Variants in VEPH1 observed in about 807,000 individuals in gnomAD.
VEPH1 encodes the protein ventricular zone expressed PH domain containing 1, also known as ventricular zone-expressed PH domain-containing protein homolog 1.
VEPH1 carries 80 observed loss-of-function variants against 85.2 expected under a neutral mutation model. The observed-to-expected ratio is 0.94, with a 90% CI of 0.78 to 1.13. The LOEUF is 1.13. Among genes scored for constraint, VEPH1 ranks in the 50% most tolerant of loss-of-function variants. The pLI, the probability that VEPH1 is intolerant of heterozygous loss-of-function variation, is 0.00. For missense variants in VEPH1, 955 were observed against 980.5 expected, an observed-to-expected ratio of 0.97 and a Z score of 0.35; for synonymous variants, 297 against 348.0, an observed-to-expected ratio of 0.85 and a Z score of 1.63.
chr3:157,364,284 CA>C lies in VEPH1; in HGVS notation c.1337+18del, dbSNP rs1726381711. ...AACATGAAGTGTATGATTTAAAAAA[CA>C]AACCAAACGAGTTATACCTGTTAAA... On this transcript the variant is annotated intron_variant, in intron 8 of 13. Coordinates refer to ENST00000362010, the MANE Select transcript of VEPH1 (RefSeq NM_001167912.2). 3 of 1,491,864 alleles carry C rather than the reference CA, an allele frequency of 2.0e-6. No individual in the cohort carries two copies. In the South Asian group the frequency reaches 3.5e-5, roughly 18 times the overall value. The allele number at this position is 1,491,864 out of a possible 1,614,324, so 92.4% of individuals were successfully genotyped here. A position where few individuals can be genotyped will look rare whatever the true frequency, so the allele number is the denominator to read the frequency against.
intron 3 of VEPH1, among the ~76,000 whole-genome samples, chr3:157,463,256 G>C (rs78604548): frequency 0.01 from 1,549 of 152,272 alleles, 27 homozygotes; most frequent in African/African-American, 0.034. Context: ...TCCAGACTCA[G>C]GGGTCAATCT....
chr3:157,413,700 G>A, intron 6 of VEPH1, 181 bp downstream of exon 6: 2 of 970,386 alleles, frequency 2.1e-6, no homozygotes, highest in Non-Finnish European at 2.4e-6. Flanking sequence ...GAAATCCCAG[G>A]ACAAATTTGT....
chr3:157,392,582 A>C (rs965490271), intron 6 of VEPH1, among the ~76,000 whole-genome samples: 2 of 152,042 alleles, frequency 1.3e-5, no homozygotes, highest in African/African-American at 4.8e-5. Context: ...CTTGGGCCAC[A>C]CACAAACTAT....
intron 2 of VEPH1, among the ~76,000 whole-genome samples, chr3:157,471,087 A>G (rs192559193): frequency 1.6e-3 from 251 of 152,362 alleles, no homozygotes; most frequent in Middle Eastern, 6.8e-3. Context: ...TTACTGAGAA[A>G]TAATGGGACC....
chr3:157,297,926 T>G (rs1222802786), intron 11 of VEPH1, among the ~76,000 whole-genome samples: 8 of 152,124 alleles, frequency 5.3e-5, no homozygotes, highest in Admixed American at 1.3e-4. Flanking sequence ...AGTGTGTCCA[T>G]TCAGGGAATA....
intron 6 of VEPH1, among the ~76,000 whole-genome samples, chr3:157,401,189 C>A (rs1730764094): frequency 1.3e-5 from 2 of 151,990 alleles, no homozygotes; most frequent in Non-Finnish European, 2.9e-5. Context: ...GGCCTTCTGG[C>A]CCAATCATGG....
At chr3:157,445,651 TAGTGGCGTGC>T (rs1216080514) in intron 4 of VEPH1, among the ~76,000 whole-genome samples, 2 of 114,660 alleles carry the variant, frequency 1.7e-5, no homozygotes, top group African/African-American at 1.1e-4. Context: ...TAGCTGGGTG[TAGTGGCGTGC>T]GCCTGTAATC....
intron 5 of VEPH1, among the ~76,000 whole-genome samples, chr3:157,416,021 C>T (rs1283516562): frequency 1.3e-5 from 2 of 152,144 alleles, no homozygotes. Context: ...CTCTAGATGC[C>T]TTTCAGGCTG....
chr3:157,434,801 T>C (rs776817671), intron 4 of VEPH1, among the ~76,000 whole-genome samples: 1 of 152,168 alleles, frequency 6.6e-6, no homozygotes, highest in Non-Finnish European at 1.5e-5. Context: ...TCTTTAAAAA[T>C]TCCCCCTGCA....
chr3:157,288,284 C>T (rs1270349264), intron 11 of VEPH1, among the ~76,000 whole-genome samples: 1 of 152,192 alleles, frequency 6.6e-6, no homozygotes, highest in South Asian at 2.1e-4. Flanking sequence ...TTTCCTTTAG[C>T]CTACACACTC....
At chr3:157,342,978 A>G (rs111921506) in intron 9 of VEPH1, among the ~76,000 whole-genome samples, 15,655 of 152,220 alleles carry the variant, frequency 0.1, 2,559 homozygotes, top group African/African-American at 0.34. Context: ...TTTGAAACCA[A>G]TGAGAACAAA....
At position 157,459,110 on chromosome 3, in the gene VEPH1, T is replaced by A. The variant is rs140570313; in HGVS notation, c.529+1071A>T. Among the ~76,000 whole-genome samples the A allele has an allele frequency of 1.4e-3, 208 of 152,330 alleles. 7 individuals are homozygous for A. In the East Asian group the frequency reaches 0.028, roughly 20 times the overall value. On this transcript the variant is annotated intron_variant, in intron 4 of 13. Transcript: ENST00000362010. ...GCCACAGGCTGCCACACTGAATTACTGGGCTAAGGACTTGGTTGTTCCTAA... is the reference window on the plus strand; with the variant it reads ...GCCACAGGCTGCCACACTGAATTACAGGGCTAAGGACTTGGTTGTTCCTAA...
chr3:157,301,174 C>G (rs1375011513), intron 11 of VEPH1, among the ~76,000 whole-genome samples: 11 of 152,140 alleles, frequency 7.2e-5, no homozygotes. Flanking sequence ...TAGCCGTGGT[C>G]AGTTAACTTC....
intron 2 of VEPH1, among the ~76,000 whole-genome samples, chr3:157,480,069 CCTTT>C (rs1186745711): frequency 5.6e-5 from 5 of 89,896 alleles, no homozygotes; most frequent in East Asian, 5.8e-4. Flanking sequence ...TTCTTTCTTT[CCTTT>C]CTTTCTTTCT....
At chr3:157,279,941 G>A (rs527880279) in intron 12 of VEPH1, among the ~76,000 whole-genome samples, 4 of 151,326 alleles carry the variant, frequency 2.6e-5, no homozygotes, top group South Asian at 4.2e-4. Context: ...GCTTGAACCC[G>A]GGAGGTGGAG....
At chr3:157,339,774 T>A (rs73018231) in intron 9 of VEPH1, among the ~76,000 whole-genome samples, 2,661 of 152,234 alleles carry the variant, frequency 0.017, 89 homozygotes, top group African/African-American at 0.061. Flanking sequence ...GAAGGGGAAT[T>A]CTTCTTAGAC....
In VEPH1 at chr3:157,293,517, C is replaced by T. The variant is rs909356220; in HGVS notation, c.2011-6843G>A. ...CTGGCTCCAAGTGGCTGGAAGAAAACACTATGTTTGATTCATTTCAGAGAG... is the reference window on the plus strand; with the variant it reads ...CTGGCTCCAAGTGGCTGGAAGAAAATACTATGTTTGATTCATTTCAGAGAG... On this transcript the variant is annotated intron_variant, in intron 11 of 13. Coordinates refer to ENST00000362010, the MANE Select transcript of VEPH1 (RefSeq NM_001167912.2). Among the ~76,000 whole-genome samples the T allele has an allele frequency of 1.1e-4, 17 of 152,186 alleles. 1 individual carries two copies. In the Middle Eastern group the frequency reaches 0.014, roughly 122 times the overall value.
intron 1 of VEPH1, among the ~76,000 whole-genome samples, chr3:157,497,663 G>C (rs555010454): frequency 1.8e-4 from 27 of 152,264 alleles, no homozygotes; most frequent in Non-Finnish European, 1.8e-4. Flanking sequence ...GGAGCTCCAA[G>C]AAGGAGCAGT....
At chr3:157,269,134 C>T (rs919642850) in intron 12 of VEPH1, among the ~76,000 whole-genome samples, 1 of 152,126 alleles carries the variant, frequency 6.6e-6, no homozygotes, top group Admixed American at 6.6e-5. Context: ...TACATGGATC[C>T]TTTTGGATCT....
Sources: gnomAD v4.1 joint callset for allele counts (sites outside exome capture counted in the v4.1 genomes callset) on GRCh38, gnomAD v4.1.1 for gene constraint, MANE v1.5 for transcripts, NCBI Gene and HGNC (gene_info 2026-07-23, HGNC 2026-07-21) for gene names.